The following CNTNAP2 variants were observed in gnomAD, a reference collection of about 807,000 sequenced individuals.
The protein encoded by CNTNAP2 is contactin-associated protein-like 2.
A neutral mutation model predicts 155.2 loss-of-function variants in CNTNAP2; 98 were observed. That is an observed-to-expected ratio of 0.63 (90% CI 0.54 to 0.75). CNTNAP2 has a LOEUF of 0.75. Among genes scored for constraint, CNTNAP2 ranks in the 30% least tolerant of loss-of-function variants. The probability of loss-of-function intolerance (pLI) is 0.00; values close to 1 mark genes in which losing one functional copy is unlikely to be tolerated. For missense variants in CNTNAP2, 1,727 were observed against 1,688.1 expected, an observed-to-expected ratio of 1.02 and a Z score of -0.40; for synonymous variants, 651 against 631.2, an observed-to-expected ratio of 1.03 and a Z score of -0.47.
chr7:147,300,403 GACAAA>G (rs1794925021), intron 9 of CNTNAP2, 113 bp downstream of exon 9: 3 of 925,354 alleles, frequency 3.2e-6, no homozygotes, highest in Non-Finnish European at 4.6e-6. Flanking sequence ...TAGATCTCAT[GACAAA>G]ACAAACTGTA....
At chr7:148,093,605 C>A (rs1803896657) in intron 15 of CNTNAP2, among the ~76,000 whole-genome samples, 1 of 152,176 alleles carries the variant, frequency 6.6e-6, no homozygotes, top group African/African-American at 2.4e-5. Flanking sequence ...CTTACACATA[C>A]CTTCGTTTTA....
intron 3 of CNTNAP2, among the ~76,000 whole-genome samples, chr7:146,885,177 G>T (rs184626575): frequency 6.6e-6 from 1 of 152,196 alleles, no homozygotes; most frequent in Admixed American, 6.5e-5. Flanking sequence ...TAAATAAAAT[G>T]AAATTATAAT....
Position 147,485,965 on chromosome 7 carries a change from A to G in CNTNAP2, c.1701A>G (p.Gly567=). The change falls in exon 11 of 24, where the codon GGA becomes GGG. Residue 567 remains glycine, a synonymous_variant. Transcript: ENST00000361727. ...TGCCCAATCACTGTGAGCATGGTGG[A>G]AAGTGCTCGCAAACATGGGACAGCT... The part of the protein sequence containing the change: ...RCVPNHCEHG[G]KCSQTWDSFK... The G allele has an allele frequency of 6.2e-7, 1 of 1,614,062 alleles. No homozygotes were observed. The highest frequency in any genetic ancestry group is 1.3e-5 in the African/African-American group (1 of 75,014).
At chr7:147,594,080 C>T (rs970919365) in intron 12 of CNTNAP2, among the ~76,000 whole-genome samples, 1 of 151,458 alleles carries the variant, frequency 6.6e-6, no homozygotes, top group South Asian at 2.1e-4. Context: ...TTCTGCAATT[C>T]CAACATTTGC....
At position 147,319,561 on chromosome 7, in the gene CNTNAP2, A is replaced by G. The variant is rs536560147; in HGVS notation, c.1498+19271A>G. Among the ~76,000 whole-genome samples the G allele has an allele frequency of 8.5e-5, 13 of 152,226 alleles. No homozygotes were observed. In the East Asian group the frequency reaches 2.1e-3, roughly 25 times the overall value. Reference sequence around the variant, plus strand: ...CCCAGTTAATTTTTGTAATTTTAGTAGAGATGAGGTTTCACCATGTCGGCC... The same window carrying G: ...CCCAGTTAATTTTTGTAATTTTAGTGGAGATGAGGTTTCACCATGTCGGCC... On this transcript the variant is annotated intron_variant, in intron 9 of 23. Transcript: ENST00000361727.
At chr7:146,673,486 A>C (rs565929007) in intron 1 of CNTNAP2, among the ~76,000 whole-genome samples, 1 of 152,200 alleles carries the variant, frequency 6.6e-6, no homozygotes, top group Non-Finnish European at 1.5e-5. Context: ...AGGTTTTTCC[A>C]TACATAGTGA....
chr7:146,806,176 A>T (rs1309688499), intron 2 of CNTNAP2, among the ~76,000 whole-genome samples: 1 of 152,112 alleles, frequency 6.6e-6, no homozygotes, highest in Admixed American at 6.6e-5. Flanking sequence ...AGGGTAGGTA[A>T]ATGTTTCAGT....
chr7:147,762,043 C>T (rs1342640896), intron 13 of CNTNAP2, among the ~76,000 whole-genome samples: 1 of 151,924 alleles, frequency 6.6e-6, no homozygotes, highest in Non-Finnish European at 1.5e-5. Flanking sequence ...CAAAAGTAAA[C>T]TTAGAATTTC....
intron 1 of CNTNAP2, among the ~76,000 whole-genome samples, chr7:146,625,682 C>A (rs1799406687): frequency 6.6e-6 from 1 of 151,962 alleles, no homozygotes; most frequent in African/African-American, 2.4e-5. Context: ...ACAAATATTC[C>A]AAACAATTAT....
chr7:148,257,922 AACACACACAC>A (rs59515015), intron 20 of CNTNAP2, among the ~76,000 whole-genome samples: 4 of 138,748 alleles, frequency 2.9e-5, no homozygotes, highest in African/African-American at 8.3e-5. Context: ...CCACACCTTA[AACACACACAC>A]ACACACACAC....
At chr7:147,481,083 T>C (rs756915297) in intron 10 of CNTNAP2, among the ~76,000 whole-genome samples, 1 of 152,210 alleles carries the variant, frequency 6.6e-6, no homozygotes, top group Non-Finnish European at 1.5e-5. Context: ...CATGGTGCTA[T>C]GACTATGGTT....
intron 1 of CNTNAP2, among the ~76,000 whole-genome samples, chr7:146,693,510 C>G (rs1051380172): frequency 4.6e-5 from 7 of 152,004 alleles, no homozygotes; most frequent in Non-Finnish European, 7.4e-5. Context: ...GTAAAATAAG[C>G]TAGGCTCCAG....
intron 8 of CNTNAP2, among the ~76,000 whole-genome samples, chr7:147,207,664 T>C (rs1421533645): frequency 6.6e-6 from 1 of 152,130 alleles, no homozygotes; most frequent in South Asian, 2.1e-4. Context: ...TTCTATAAGT[T>C]TTTTTAGCTT....
chr7:146,612,834 G>A (rs1012879982), intron 1 of CNTNAP2, among the ~76,000 whole-genome samples: 1 of 151,300 alleles, frequency 6.6e-6, no homozygotes, highest in Admixed American at 6.6e-5. Flanking sequence ...TTTTTGTGAT[G>A]TTGCTCCATC....
chr7:147,598,167 CTT>C (rs57317671), intron 12 of CNTNAP2, among the ~76,000 whole-genome samples: 40,018 of 147,812 alleles, frequency 0.27, 5,790 homozygotes, highest in East Asian at 0.35. Context: ...TTCTTTCTTT[CTT>C]TTTTTTTTTT....
intron 21 of CNTNAP2, among the ~76,000 whole-genome samples, chr7:148,380,256 T>C (rs1162463785): frequency 6.6e-6 from 1 of 152,236 alleles, no homozygotes; most frequent in African/African-American, 2.4e-5. Context: ...TAGAGACCAG[T>C]CTAATCAATT....
rs369717099 is a variant in CNTNAP2 at position 146,464,937 on chromosome 7, C to G, written c.98-309334C>G. On this transcript the variant is annotated intron_variant, in intron 1 of 23. Coordinates refer to ENST00000361727, the MANE Select transcript of CNTNAP2 (RefSeq NM_014141.6). ...CAGTGCTTGGACCCCATCAACTTTACTTCCATTTTCTAGCTGCCTTTTCTG... is the reference window on the plus strand; with the variant it reads ...CAGTGCTTGGACCCCATCAACTTTAGTTCCATTTTCTAGCTGCCTTTTCTG... 2.6e-5 allele frequency among the ~76,000 whole-genome samples: 4 copies of G among 152,238 alleles called. No individual in the cohort carries two copies. In the East Asian group the frequency reaches 7.7e-4, roughly 29 times the overall value.
intron 1 of CNTNAP2, among the ~76,000 whole-genome samples, chr7:146,173,250 T>A (rs1425313341): frequency 6.6e-6 from 1 of 152,198 alleles, no homozygotes; most frequent in Non-Finnish European, 1.5e-5. Context: ...AGAGTAAATT[T>A]ACATTTTTAT....
intron 21 of CNTNAP2, among the ~76,000 whole-genome samples, chr7:148,328,149 AAG>A (rs535288226): frequency 1.8e-4 from 28 of 152,336 alleles, no homozygotes; most frequent in Middle Eastern, 3.4e-3. Flanking sequence ...TTGCTGTAGC[AAG>A]AGAGTCAGCC....
Sources: allele counts gnomAD v4.1 joint callset (sites outside exome capture counted in the v4.1 genomes callset), GRCh38; gene constraint gnomAD v4.1.1; transcripts MANE v1.5; gene names NCBI Gene and HGNC (gene_info 2026-07-23, HGNC 2026-07-21).